CGNL1: variants seen among roughly 807,000 people sequenced by gnomAD.
CGNL1 encodes the protein cingulin like 1, also known as cingulin-like protein 1.
In CGNL1, 132 loss-of-function variants were observed where a neutral mutation model predicts 141.2. The observed-to-expected ratio is 0.93, with a 90% CI of 0.81 to 1.08. The LOEUF is 1.08. CGNL1 is among the 50% of genes least tolerant of loss of function. CGNL1 has a pLI of 0.00. For synonymous variants in CGNL1, 690 were observed against 622.1 expected (o/e 1.11, Z -1.63); for missense variants, 1,870 against 1,588.6 (o/e 1.18, Z -3.01).
chr15:57,451,651 T>G, intron 5 of CGNL1, 50 bp downstream of exon 5: 1 of 1,392,642 alleles, frequency 7.2e-7, no homozygotes, highest in Non-Finnish European at 1.0e-6. Flanking sequence ...TCTTGGTTGA[T>G]AAAGAATATT....
chr15:57,527,325 A>G (rs1489297710), intron 12 of CGNL1: 3 of 152,224 alleles, frequency 2.0e-5, no homozygotes, highest in Admixed American at 1.3e-4. Context: ...GCTGTCCTCA[A>G]CTACTGGGGC....
intron 9 of CGNL1, among the ~76,000 whole-genome samples, chr15:57,517,975 A>C (rs2030950923): frequency 7.0e-6 from 1 of 143,354 alleles, no homozygotes; most frequent in Non-Finnish European, 1.5e-5. Context: ...GATCTCCAGG[A>C]ATAAGGCCAG....
At chr15:57,532,024 T>A (rs1246447426) in intron 14 of CGNL1, among the ~76,000 whole-genome samples, 1 of 152,216 alleles carries the variant, frequency 6.6e-6, no homozygotes, top group African/African-American at 2.4e-5. Flanking sequence ...TAGCATCATT[T>A]CAAGGTTTTT....
intron 1 of CGNL1, among the ~76,000 whole-genome samples, chr15:57,388,357 C>T (rs763817871): frequency 5.3e-5 from 8 of 152,074 alleles, no homozygotes; most frequent in African/African-American, 1.4e-4. Context: ...TTGTGCTGGA[C>T]GAAGACAGGA....
chr15:57,505,326 C>A (rs1595775222), intron 8 of CGNL1, among the ~76,000 whole-genome samples: 1 of 152,118 alleles, frequency 6.6e-6, no homozygotes, highest in African/African-American at 2.4e-5. Context: ...GTAACGCCAC[C>A]CTGTTTTTAA....
intron 1 of CGNL1, among the ~76,000 whole-genome samples, chr15:57,407,928 TA>T (rs2062741909): frequency 6.6e-6 from 1 of 151,928 alleles, no homozygotes; most frequent in South Asian, 2.1e-4. Flanking sequence ...TTTACATTTT[TA>T]TTAGAGATGG....
intron 1 of CGNL1, among the ~76,000 whole-genome samples, chr15:57,422,383 G>T (rs1347935209): frequency 6.6e-6 from 1 of 152,160 alleles, no homozygotes; most frequent in Non-Finnish European, 1.5e-5. Flanking sequence ...CCATGGGAGA[G>T]ATCTACCCAG....
At chr15:57,414,533 G>C (rs1323960222) in intron 1 of CGNL1, among the ~76,000 whole-genome samples, 1 of 152,166 alleles carries the variant, frequency 6.6e-6, no homozygotes, top group Non-Finnish European at 1.5e-5. Context: ...TTCAAGGGGA[G>C]TCTGCAGTGT....
chr15:57,488,259 T>G lies in CGNL1; in HGVS notation c.2403+26367T>G, dbSNP rs114761221. Among the ~76,000 whole-genome samples, 608 of 152,328 alleles carry G rather than the reference T, an allele frequency of 4.0e-3. 4 individuals are homozygous for G. Among genetic ancestry groups the G allele is most frequent in the African/African-American group, 0.014 (572 of 41,566 alleles). ...TTTTAAAATTGGGTTGTCTTTTTAT[T>G]ACTGAGTTGTAATGGTTCTTTATAT... On this transcript the variant is annotated intron_variant, in intron 8 of 18. Coordinates refer to ENST00000281282, the MANE Select transcript of CGNL1 (RefSeq NM_032866.5).
intron 1 of CGNL1, among the ~76,000 whole-genome samples, chr15:57,381,625 A>G (rs1012971500): frequency 6.6e-6 from 1 of 152,200 alleles, no homozygotes; most frequent in Admixed American, 6.5e-5. Flanking sequence ...CTGTCTGAAT[A>G]CAAAGCTAAG....
At chr15:57,379,041 GTT>G (rs1212437396) in intron 1 of CGNL1, among the ~76,000 whole-genome samples, 1 of 148,910 alleles carries the variant, frequency 6.7e-6, no homozygotes, top group Non-Finnish European at 1.5e-5. Flanking sequence ...TTTTCCTACT[GTT>G]TTTTTTGTGT....
chr15:57,480,450 G>T (rs541102059), intron 8 of CGNL1, among the ~76,000 whole-genome samples: 1 of 152,142 alleles, frequency 6.6e-6, no homozygotes, highest in East Asian at 1.9e-4. Context: ...AACTCAGGAG[G>T]CGGAGGTTGC....
At chr15:57,533,950 C>T (rs1233987163) in intron 14 of CGNL1, among the ~76,000 whole-genome samples, 12 of 152,208 alleles carry the variant, frequency 7.9e-5, no homozygotes, top group Admixed American at 7.9e-4. Flanking sequence ...CAGTCCCAGT[C>T]CTGGCTCCTG....
intron 7 of CGNL1, among the ~76,000 whole-genome samples, chr15:57,454,192 T>C (rs1374250039): frequency 1.3e-5 from 2 of 152,184 alleles, no homozygotes; most frequent in African/African-American, 4.8e-5. Context: ...GTGTTTGATG[T>C]TTGCTGTAAC....
At chr15:57,404,189 G>T (rs527790149) in intron 1 of CGNL1, among the ~76,000 whole-genome samples, 15 of 152,328 alleles carry the variant, frequency 9.8e-5, no homozygotes, top group South Asian at 8.3e-4. Context: ...TTCCAGGAAA[G>T]TAGCTTATTT....
intron 8 of CGNL1, among the ~76,000 whole-genome samples, chr15:57,502,181 GATGGT>G (rs1458431315): frequency 6.6e-6 from 1 of 152,190 alleles, no homozygotes. Context: ...AGAAAGACAG[GATGGT>G]ATGAGGGTGG....
chr15:57,431,302 T>G (rs1194051869), intron 1 of CGNL1, among the ~76,000 whole-genome samples: 1 of 152,230 alleles, frequency 6.6e-6, no homozygotes, highest in East Asian at 1.9e-4. Flanking sequence ...TGAAATTGTT[T>G]TCCCAGGGAG....
rs193146465 is a variant in CGNL1, at chr15:57,478,169, C to T, written c.2403+16277C>T. ...GCCAGGACCGTGGGCTCATGGTGTTCATGGGGCTCACAAAGAGGGCACACA... is the reference window on the plus strand; with the variant it reads ...GCCAGGACCGTGGGCTCATGGTGTTTATGGGGCTCACAAAGAGGGCACACA... On this transcript the variant is annotated intron_variant, in intron 8 of 18. Coordinates refer to ENST00000281282, the MANE Select transcript of CGNL1 (RefSeq NM_032866.5). The T allele has an allele frequency of 7.2e-5, 11 of 152,292 alleles. No homozygotes were observed. The East Asian group carries it at 1.9e-3, about 27-fold the overall frequency. 9.4% of individuals were successfully genotyped at this position (152,292 alleles called of 1,614,324 possible).
In CGNL1 at chr15:57,438,203, G is replaced by A. The variant is rs143019005; in HGVS notation, c.204G>A (p.Ser68=). 1.3e-5 allele frequency: 21 copies of A among 1,614,140 alleles called. No individual in the cohort carries two copies. The African/African-American group carries it at 1.9e-4, about 14-fold the overall frequency. The part of the protein sequence containing the change: ...NNTERCLAGT[S]FSENGPPFPP... Reference sequence around the variant, plus strand: ...CAGAACGGTGCCTAGCAGGCACATCGTTTTCTGAAAATGGGCCACCCTTTC... The same window carrying A: ...CAGAACGGTGCCTAGCAGGCACATCATTTTCTGAAAATGGGCCACCCTTTC... Residue 68 remains serine (S), a synonymous_variant, in exon 2 of 19, where the codon TCG becomes TCA. Coordinates refer to ENST00000281282, the MANE Select transcript of CGNL1 (RefSeq NM_032866.5).
Sources: allele counts gnomAD v4.1 joint callset (sites outside exome capture counted in the v4.1 genomes callset), GRCh38; gene constraint gnomAD v4.1.1; transcripts MANE v1.5; gene names NCBI Gene and HGNC (gene_info 2026-07-23, HGNC 2026-07-21).